The following PCBP3 variants were observed in gnomAD, a reference collection of about 807,000 sequenced individuals.
The protein encoded by PCBP3 is poly(rC) binding protein 3.
In PCBP3, 25 loss-of-function variants were observed where a neutral mutation model predicts 52.7. The observed-to-expected ratio is 0.47, with a 90% CI of 0.35 to 0.66. PCBP3 has a LOEUF of 0.66. Among genes scored for constraint, PCBP3 ranks in the 30% least tolerant of loss-of-function variants. PCBP3 has a pLI of 0.01. For missense variants in PCBP3, 391 were observed against 490.3 expected, an observed-to-expected ratio of 0.80 and a Z score of 1.91; for synonymous variants, 162 against 183.0, an observed-to-expected ratio of 0.89 and a Z score of 0.93.
At position 45,704,882 on chromosome 21, in the gene PCBP3, A is replaced by C. The variant is rs2083352041; in HGVS notation, c.-199-30510A>C. Among the ~76,000 whole-genome samples the C allele has an allele frequency of 1.3e-5, 2 of 152,186 alleles. No homozygotes were observed. Among genetic ancestry groups the C allele is most frequent in the South Asian group, 4.1e-4 (2 of 4,828 alleles). On this transcript the variant is annotated intron_variant, in intron 2 of 17. Transcript: ENST00000681687. This position sits in a 1 kb window ranked among gnomAD's most constrained non-coding sequence, Gnocchi z 4.1. ...GGCGCTGCTGTCTGCTGAATACATG[A>C]TGGCAGTTGATTCTGGAGATAACCA...
At position 45,822,070 on chromosome 21, in the gene PCBP3, G is replaced by C. The variant is rs75868041; in HGVS notation, c.-125-27891G>C. On this transcript the variant is annotated intron_variant, in intron 4 of 17. Coordinates refer to ENST00000681687, the MANE Select transcript of PCBP3 (RefSeq NM_001384156.1). ...CTGAGCTTGCTTCCCTGCTCACCCTGGGAAGTGGTTTCACAATGTCCCTCA... is the reference window on the plus strand; with the variant it reads ...CTGAGCTTGCTTCCCTGCTCACCCTCGGAAGTGGTTTCACAATGTCCCTCA... 2.4e-3 allele frequency among the ~76,000 whole-genome samples: 368 copies of C among 152,286 alleles called. 2 individuals are homozygous for C. The highest frequency in any genetic ancestry group is 8.5e-3 in the African/African-American group (354 of 41,540).
intron 13 of PCBP3, among the ~76,000 whole-genome samples, chr21:45,923,679 A>T (rs193043195): frequency 1.3e-5 from 2 of 152,364 alleles, no homozygotes; most frequent in East Asian, 3.9e-4. Flanking sequence ...GGAGAGAGAA[A>T]ATTCCAAGAG....
chr21:45,872,878 T>C (rs2148657282), intron 5 of PCBP3: 1 of 152,358 alleles, frequency 6.6e-6, no homozygotes, highest in Non-Finnish European at 1.5e-5. Flanking sequence ...CTAAAATGAA[T>C]CCCATTAAGA....
intron 4 of PCBP3, chr21:45,760,646 G>A (rs2088549226): frequency 6.6e-6 from 1 of 152,154 alleles, no homozygotes; most frequent in Non-Finnish European, 1.5e-5. Context: ...AGAAAAAAAT[G>A]TATAATGGGG....
intron 4 of PCBP3, among the ~76,000 whole-genome samples, chr21:45,844,002 G>A (rs1237512823): frequency 1.3e-5 from 2 of 152,058 alleles, no homozygotes; most frequent in African/African-American, 4.8e-5. Context: ...GCGATTTGGG[G>A]CCTGTGACCT....
At chr21:45,720,800 T>C (rs2084575768) in intron 2 of PCBP3, among the ~76,000 whole-genome samples, 1 of 152,222 alleles carries the variant, frequency 6.6e-6, no homozygotes, top group Non-Finnish European at 1.5e-5. Flanking sequence ...GGGTGCAGGC[T>C]TCATGTTTTA....
At chr21:45,748,720 C>A (rs1324855248) in intron 3 of PCBP3, among the ~76,000 whole-genome samples, 1 of 152,204 alleles carries the variant, frequency 6.6e-6, no homozygotes, top group Non-Finnish European at 1.5e-5. Flanking sequence ...AGGAGCACAG[C>A]GGTGAGCTGT....
chr21:45,892,220 G>C (rs2095684871), intron 5 of PCBP3, among the ~76,000 whole-genome samples: 1 of 152,224 alleles, frequency 6.6e-6, no homozygotes, highest in South Asian at 2.1e-4. Flanking sequence ...CTTCAGGGAA[G>C]GGTGCATTTA....
chr21:45,716,268 A>G (rs540557692), intron 2 of PCBP3, among the ~76,000 whole-genome samples: 29 of 152,314 alleles, frequency 1.9e-4, no homozygotes, highest in African/African-American at 6.5e-4. Flanking sequence ...GTCTTAGTCA[A>G]AACCAGTTGA....
At position 45,917,608 on chromosome 21, in the gene PCBP3, G is replaced by T; in HGVS notation, c.696G>T (p.Gln232His). The T allele has an allele frequency of 6.2e-7, 1 of 1,613,578 alleles. No individual in the cohort carries two copies. Among genetic ancestry groups the T allele is most frequent in the Non-Finnish European group, 8.5e-7 (1 of 1,179,638 alleles). The change falls in exon 13 of 18, where the codon CAG (glutamine) becomes CAT (histidine). Residue 232 changes from glutamine to histidine, a missense_variant. Gln to His is a conservative substitution (Grantham distance 24). Coordinates refer to ENST00000681687, the MANE Select transcript of PCBP3 (RefSeq NM_001384156.1). The surrounding 1 kb of genome is among the most constrained non-coding windows in gnomAD (Gnocchi z 5.3). ...AGGQAYTIQG[Q>H]YAIPHPDQLT... is the part of the protein sequence containing the mutation. ...TCTAGGCCTACACAATCCAGGGACA[G>T]TATGCCATCCCTCACCCGGATGTGA...
Position 45,773,736 on chromosome 21 carries a change from C to T in PCBP3, c.-126+18284C>T, listed in dbSNP as rs572830739. Among the ~76,000 whole-genome samples the T allele has an allele frequency of 3.9e-5, 6 of 152,134 alleles. No homozygotes were observed. The South Asian group carries it at 1.2e-3, about 32-fold the overall frequency. ...AGCTATTTGTGCCCTTTTTTGGTTC[C>T]ATATGGATTTTAGAATTTTTTTTTC... On this transcript the variant is annotated intron_variant, in intron 4 of 17. Transcript: ENST00000681687.
chr21:45,774,331 T>C (rs2090096650), intron 4 of PCBP3, among the ~76,000 whole-genome samples: 1 of 150,106 alleles, frequency 6.7e-6, no homozygotes. Flanking sequence ...CCCTTGAACC[T>C]GTGAACCGAG....
At chr21:45,671,261 C>G (rs564057224) in intron 2 of PCBP3, among the ~76,000 whole-genome samples, 3 of 152,312 alleles carry the variant, frequency 2.0e-5, no homozygotes, top group African/African-American at 7.2e-5. Context: ...CTGTCATGCA[C>G]TCATCTCTCC....
At chr21:45,877,362 T>G (rs1015468154) in intron 5 of PCBP3, among the ~76,000 whole-genome samples, 1 of 152,252 alleles carries the variant, frequency 6.6e-6, no homozygotes, top group South Asian at 2.1e-4. Flanking sequence ...GGCCGCTGTT[T>G]CATTACACAT....
Position 45,656,566 on chromosome 21 carries a change from A to AT in PCBP3, c.-278-12308_-278-12307insT, listed in dbSNP as rs1335961888. ...AGATGACGGGTTGATGGGTGCAGCA[A>AT]ACCACCGTGGCATGTGTATACCTGT... On this transcript the variant is annotated intron_variant, in intron 1 of 17. Transcript: ENST00000681687. This position sits in a 1 kb window ranked among gnomAD's most constrained non-coding sequence, Gnocchi z 4.3. Among the ~76,000 whole-genome samples, 3 of 152,090 alleles carry AT rather than the reference A, an allele frequency of 2.0e-5. No homozygotes were observed. The highest frequency in any genetic ancestry group is 7.2e-5 in the African/African-American group (3 of 41,412).
chr21:45,905,918 G>T (rs1569479461), intron 9 of PCBP3, among the ~76,000 whole-genome samples: 1 of 152,220 alleles, frequency 6.6e-6, no homozygotes, highest in Non-Finnish European at 1.5e-5. Context: ...GGGATGTTAG[G>T]CCGGGATTCT....
At chr21:45,662,088 C>T (rs990061868) in intron 1 of PCBP3, among the ~76,000 whole-genome samples, 1 of 151,842 alleles carries the variant, frequency 6.6e-6, no homozygotes, top group Non-Finnish European at 1.5e-5. Context: ...CAGGTTGTCT[C>T]TTCACTCTGT....
chr21:45,733,453 A>C (rs546075423), intron 2 of PCBP3, among the ~76,000 whole-genome samples: 1 of 151,786 alleles, frequency 6.6e-6, no homozygotes, highest in Non-Finnish European at 1.5e-5. Flanking sequence ...TGCCTGGCTA[A>C]TTTTTTTGTG....
intron 2 of PCBP3, among the ~76,000 whole-genome samples, chr21:45,710,517 G>A (rs979636428): frequency 6.6e-6 from 1 of 152,146 alleles, no homozygotes; most frequent in Non-Finnish European, 1.5e-5. Flanking sequence ...AGTATTCCAT[G>A]GTGTATATGT....
Sources: gnomAD v4.1 joint callset for allele counts (sites outside exome capture counted in the v4.1 genomes callset) on GRCh38, gnomAD v4.1.1 for gene constraint, Gnocchi (gnomAD v3.1) non-coding constraint, MANE v1.5 for transcripts, NCBI Gene and HGNC (gene_info 2026-07-23, HGNC 2026-07-21) for gene names.